FMR1NB: variants seen among roughly 807,000 people sequenced by gnomAD.
The protein encoded by FMR1NB is FMR1 neighbor protein.
Under a neutral mutation model 16.8 loss-of-function variants are expected in FMR1NB, and 10 were observed. The observed-to-expected ratio is 0.60, with a 90% CI of 0.37 to 1.01. The LOEUF (loss-of-function observed/expected upper bound fraction) is 1.01, where lower values mean the gene tolerates loss of function less well. Ranked by LOEUF, FMR1NB falls within the 50% of genes least tolerant of loss-of-function variation. The pLI, the probability that FMR1NB is intolerant of heterozygous loss-of-function variation, is 0.01. For synonymous variants in FMR1NB, 83 were observed against 79.1 expected (o/e 1.05, Z -0.26); for missense variants, 205 against 204.8 (o/e 1.00, Z 0.00).
At chrX:148,023,847 G>C (rs945586674) in intron 4 of FMR1NB, among the ~76,000 whole-genome samples, 15 of 111,433 alleles carry the variant, frequency 1.3e-4, no homozygotes, top group African/African-American at 4.9e-4. Context: ...AGGAGAGAAT[G>C]AGACAGGTTA....
intron 4 of FMR1NB, among the ~76,000 whole-genome samples, chrX:148,023,446 A>G (rs945507720): frequency 5.4e-5 from 6 of 111,328 alleles, no homozygotes; most frequent in Non-Finnish European, 3.8e-5. Context: ...GAGAAAAGTT[A>G]GTATTATTTA....
chrX:148,021,713 A>C (rs2044679852), intron 4 of FMR1NB, among the ~76,000 whole-genome samples: 1 of 110,695 alleles, frequency 9.0e-6, no homozygotes, highest in African/African-American at 3.3e-5. Flanking sequence ...TATTCACTCA[A>C]AACTGAACCT....
chrX:147,982,032 G>A (rs1202172456), intron 1 of FMR1NB, among the ~76,000 whole-genome samples: 1 of 111,885 alleles, frequency 8.9e-6, no homozygotes, highest in Non-Finnish European at 1.9e-5. Flanking sequence ...GCTCACATCT[G>A]TAATCCCAGC....
At chrX:148,007,221 T>G (rs1849889076) in intron 3 of FMR1NB, among the ~76,000 whole-genome samples, 2 of 112,314 alleles carry the variant, frequency 1.8e-5, no homozygotes, top group Non-Finnish European at 1.9e-5. Context: ...CCATTTGTCT[T>G]GTCTTCATCT....
intron 1 of FMR1NB, among the ~76,000 whole-genome samples, chrX:147,990,640 AAAAC>A (rs200801290): frequency 0.014 from 1,597 of 111,886 alleles, 32 homozygotes; most frequent in African/African-American, 0.049. Flanking sequence ...TTTGAAATAT[AAAAC>A]AAATTATTAT....
intron 1 of FMR1NB, 151 bp downstream of exon 1, chrX:147,981,830 C>T (rs782366304): frequency 1.0e-4 from 61 of 608,175 alleles, no homozygotes; most frequent in Middle Eastern, 5.4e-4. Flanking sequence ...ATGGCCCTAT[C>T]CTCAGCAGTC....
chrX:147,989,620 C>G (rs1256158436), intron 1 of FMR1NB, among the ~76,000 whole-genome samples: 1 of 112,030 alleles, frequency 8.9e-6, no homozygotes. Context: ...GCGCCGACAG[C>G]CGCCCCTTTC....
intron 2 of FMR1NB, among the ~76,000 whole-genome samples, chrX:148,005,898 T>G (rs2044593632): frequency 8.9e-6 from 1 of 112,454 alleles, no homozygotes; most frequent in Non-Finnish European, 1.9e-5. Flanking sequence ...CAGTTACTAC[T>G]TTTAAGTTTG....
At chrX:148,015,325 T>C (rs1393673099) in intron 4 of FMR1NB, among the ~76,000 whole-genome samples, 2 of 112,166 alleles carry the variant, frequency 1.8e-5, no homozygotes, top group African/African-American at 6.5e-5. Context: ...AATTTATTTA[T>C]TTCTGCTCTC....
intron 1 of FMR1NB, among the ~76,000 whole-genome samples, chrX:147,993,200 C>T (rs912028331): frequency 1.6e-4 from 18 of 113,236 alleles, no homozygotes; most frequent in African/African-American, 4.5e-4. Context: ...GGATCACTCG[C>T]GGCCAGGGGC....
At chrX:147,998,330 C>T (rs1272392553) in intron 1 of FMR1NB, among the ~76,000 whole-genome samples, 1 of 111,854 alleles carries the variant, frequency 8.9e-6, no homozygotes, top group African/African-American at 3.3e-5. Context: ...TTGAAACCAT[C>T]ATTCTCAGCA....
At chrX:147,995,612 A>T (rs1557188095) in intron 1 of FMR1NB, among the ~76,000 whole-genome samples, 1 of 112,612 alleles carries the variant, frequency 8.9e-6, no homozygotes, top group African/African-American at 3.2e-5. Flanking sequence ...CTAATTGCTC[A>T]TCCTTTTCAG....
chrX:148,010,867 T>C (rs2124623835), intron 4 of FMR1NB, among the ~76,000 whole-genome samples: 1 of 111,311 alleles, frequency 9.0e-6, no homozygotes, highest in South Asian at 3.9e-4. Context: ...AAGAAAGAGC[T>C]GTCATAGCTC....
intron 1 of FMR1NB, among the ~76,000 whole-genome samples, chrX:147,985,700 T>C (rs781955691): frequency 8.9e-6 from 1 of 112,535 alleles, no homozygotes; most frequent in East Asian, 2.8e-4. Flanking sequence ...TGCCACATTT[T>C]ATTTATCCAG....
chrX:147,981,651 CTA>C lies in FMR1NB; in HGVS notation c.250_251del (p.Tyr84LeufsTer25). ...CCATTTGGATCCTGCTGTTCGTGTG[CTA>C]CTACCTGTCCTACTACCTGTGCTCC... ...LSIWILLFVC[Y>X]YLSYYLCSGS... On this transcript the variant is annotated frameshift_variant, in exon 1 of 6. Coordinates refer to ENST00000370467, the MANE Select transcript of FMR1NB (RefSeq NM_152578.3). LOFTEE classifies it high-confidence loss of function. 8.4e-7 allele frequency: 1 copy of C among 1,196,200 alleles called. No individual in the cohort carries two copies. Among genetic ancestry groups the C allele is most frequent in the Admixed American group, 2.2e-5 (1 of 44,916 alleles).
intron 1 of FMR1NB, among the ~76,000 whole-genome samples, chrX:147,999,304 G>A (rs1372144519): frequency 2.7e-5 from 3 of 111,842 alleles, no homozygotes; most frequent in Middle Eastern, 9.3e-3. Flanking sequence ...GTGCTGAATC[G>A]AGTGGCAACA....
intron 4 of FMR1NB, among the ~76,000 whole-genome samples, chrX:148,010,523 C>T (rs968304792): frequency 8.9e-6 from 1 of 111,849 alleles, no homozygotes; most frequent in Non-Finnish European, 1.9e-5. Context: ...AAGATATCTC[C>T]TTAGAACGAT....
intron 1 of FMR1NB, among the ~76,000 whole-genome samples, chrX:147,999,378 G>A (rs1340369369): frequency 8.9e-6 from 1 of 111,790 alleles, no homozygotes; most frequent in African/African-American, 3.3e-5. Flanking sequence ...CTAAAGTCTT[G>A]TCAAGGTCCC....
intron 4 of FMR1NB, among the ~76,000 whole-genome samples, chrX:148,016,616 T>A (rs928760169): frequency 1.1e-4 from 12 of 111,721 alleles, no homozygotes; most frequent in African/African-American, 3.6e-4. Context: ...TTTCTGTGAA[T>A]CCATTGCATG....
Sources: gnomAD v4.1 joint callset for allele counts (sites outside exome capture counted in the v4.1 genomes callset) on GRCh38, gnomAD v4.1.1 for gene constraint, MANE v1.5 for transcripts, NCBI Gene and HGNC (gene_info 2026-07-23, HGNC 2026-07-21) for gene names.